The following SMC1B variants were observed in gnomAD, a reference collection of about 807,000 sequenced individuals.
The protein encoded by SMC1B is structural maintenance of chromosomes protein 1B.
SMC1B carries 60 observed loss-of-function variants against 157.9 expected under a neutral mutation model. The ratio of observed to expected loss-of-function variants is 0.38; its 90% CI spans 0.31 to 0.47. The LOEUF (loss-of-function observed/expected upper bound fraction) is 0.47, where lower values mean the gene tolerates loss of function less well. Ranked by LOEUF, SMC1B falls within the 20% of genes least tolerant of loss-of-function variation. SMC1B has a pLI of 0.99. For synonymous variants in SMC1B, 445 were observed against 483.0 expected, an observed-to-expected ratio of 0.92 and a Z score of 1.03; for missense variants, 1,165 against 1,426.2, an observed-to-expected ratio of 0.82 and a Z score of 2.95.
chr22:45,392,672 T>G (rs1198634439), intron 9 of SMC1B, among the ~76,000 whole-genome samples: 1 of 151,972 alleles, frequency 6.6e-6, no homozygotes, highest in Non-Finnish European at 1.5e-5. Context: ...AGGAAAACCA[T>G]GAAAGTGTGG....
chr22:45,350,340 C>A (rs2086600376), intron 22 of SMC1B, among the ~76,000 whole-genome samples: 1 of 151,586 alleles, frequency 6.6e-6, no homozygotes. Flanking sequence ...TGCAGTGGCA[C>A]AATCCCGGCT....
intron 4 of SMC1B, among the ~76,000 whole-genome samples, chr22:45,405,129 G>C (rs1263702701): frequency 6.6e-6 from 1 of 152,116 alleles, no homozygotes; most frequent in African/African-American, 2.4e-5. Context: ...AGCTATCTAG[G>C]CAGAGGAAAT....
chr22:45,359,957 C>T lies in SMC1B; in HGVS notation c.2710G>A (p.Glu904Lys). The T allele has an allele frequency of 6.2e-7, 1 of 1,612,672 alleles. No individual in the cohort carries two copies. Among genetic ancestry groups the T allele is most frequent in the Non-Finnish European group, 8.5e-7 (1 of 1,178,924 alleles). ...ACTTCTTTTTGCAATTTCCCCACTT[C>T]CCTGTAATTACACAGATATGAAAAA... ...ERKKFLAVDR[E>K]VGKLQKEVVS... The change falls in exon 18 of 25, where the codon GAA (glutamate) becomes AAA (lysine). Residue 904 changes from glutamate (E) to lysine (K), a missense_variant and splice_region_variant. Glu to Lys is a moderately conservative substitution (Grantham distance 56, BLOSUM62 1). Transcript: ENST00000357450.
At chr22:45,376,596 C>A (rs201498444) in intron 12 of SMC1B, among the ~76,000 whole-genome samples, 1 of 152,118 alleles carries the variant, frequency 6.6e-6, no homozygotes, top group Non-Finnish European at 1.5e-5. Flanking sequence ...ATTGCTGGAT[C>A]ATATGGTAAT....
intron 7 of SMC1B, 126 bp downstream of exon 7, chr22:45,396,220 C>A (rs1015385160): frequency 1.3e-6 from 1 of 784,454 alleles, no homozygotes; most frequent in Non-Finnish European, 1.9e-6. Flanking sequence ...TCTGCCAAAT[C>A]ATGAAATAAA....
At chr22:45,378,979 TTTTTTTC>T (rs1279447194) in intron 12 of SMC1B, among the ~76,000 whole-genome samples, 3 of 152,118 alleles carry the variant, frequency 2.0e-5, no homozygotes, top group East Asian at 3.8e-4. Context: ...AACATTCAGG[TTTTTTTC>T]TTTTTTCTTT....
chr22:45,400,808 TATA>T (rs1379974738), intron 5 of SMC1B, among the ~76,000 whole-genome samples: 1 of 152,200 alleles, frequency 6.6e-6, no homozygotes, highest in Non-Finnish European at 1.5e-5. Flanking sequence ...ATGTAACATA[TATA>T]ATACACTGAC....
In SMC1B at chr22:45,362,934, A is replaced by G. The variant is rs2086736057; in HGVS notation, c.2513T>C (p.Leu838Ser). ...LKKKLNKINT[L>S]KETIQKGSED... is the part of the protein sequence containing the mutation. ...ACTACCTTTCTGGATAGTTTCTTTT[A>G]ATGTGTTGATCTTATTCAGTTTCTT... is the stretch of plus-strand genomic sequence containing the variant. The change falls in exon 16 of 25, where the codon TTA becomes TCA. Residue 838 changes from leucine to serine, a missense_variant. Leu to Ser is a moderately radical substitution (Grantham distance 145). Coordinates refer to ENST00000357450, the MANE Select transcript of SMC1B (RefSeq NM_148674.5). 2.5e-6 allele frequency: 4 copies of G among 1,604,042 alleles called. No homozygotes were observed. The highest frequency in any genetic ancestry group is 3.4e-6 in the Non-Finnish European group (4 of 1,174,924).
intron 19 of SMC1B, among the ~76,000 whole-genome samples, chr22:45,357,718 A>G (rs2086683284): frequency 6.6e-6 from 1 of 152,234 alleles, no homozygotes; most frequent in Admixed American, 6.5e-5. Context: ...AGTAACCAAT[A>G]TATTTACTAG....
At chr22:45,371,750 T>C (rs1208318293) in intron 13 of SMC1B, among the ~76,000 whole-genome samples, 163 bp from the exon 14 acceptor site, 2 of 152,168 alleles carry the variant, frequency 1.3e-5, no homozygotes, top group African/African-American at 2.4e-5. Context: ...TAAGGGACTA[T>C]AATATAATCT....
At chr22:45,347,123 G>A (rs774265974) in intron 23 of SMC1B, among the ~76,000 whole-genome samples, 1 of 152,180 alleles carries the variant, frequency 6.6e-6, no homozygotes, top group Non-Finnish European at 1.5e-5. Flanking sequence ...TCTCCCAGAT[G>A]AGTCTGCCAT....
chr22:45,404,618 T>C (rs1000526782), intron 4 of SMC1B, among the ~76,000 whole-genome samples: 1 of 152,262 alleles, frequency 6.6e-6, no homozygotes, highest in Non-Finnish European at 1.5e-5. Context: ...TTCCTTTCTA[T>C]TGATTCCAGG....
At chr22:45,403,803 G>T (rs2087225170) in intron 4 of SMC1B, among the ~76,000 whole-genome samples, 1 of 152,156 alleles carries the variant, frequency 6.6e-6, no homozygotes, top group Admixed American at 6.5e-5. Context: ...TTCTAATGGG[G>T]AGAAGAGAGG....
rs2086542390 is a variant in SMC1B at position 45,345,548 on chromosome 22, G to T, written c.3517C>A (p.Gln1173Lys). The T allele has an allele frequency of 6.2e-7, 1 of 1,611,388 alleles. No individual in the cohort carries two copies. The highest frequency in any genetic ancestry group is 1.3e-5 in the African/African-American group (1 of 74,838). ...IGKVSSYIKE[Q>K]TQDQFQMIVI... The stretch of plus-strand genomic sequence containing the variant: ...ATCATCTGAAACTGGTCTTGAGTTT[G>T]CTCTTTGATGTAACTTGACACCTGG... Residue 1173 changes from glutamine (Q) to lysine (K), a missense_variant, in exon 24 of 25, where the codon CAA becomes AAA. Coordinates refer to ENST00000357450, the MANE Select transcript of SMC1B (RefSeq NM_148674.5).
chr22:45,398,264 C>T (rs1333145818), intron 6 of SMC1B, among the ~76,000 whole-genome samples: 2 of 152,236 alleles, frequency 1.3e-5, no homozygotes, highest in Admixed American at 1.3e-4. Context: ...TGGCTTGCAA[C>T]ACACCTGGTC....
At chr22:45,371,690 G>A in intron 13 of SMC1B, 103 bp from the exon 14 acceptor site, 1 of 1,334,416 alleles carries the variant, frequency 7.5e-7, no homozygotes. Flanking sequence ...AAGAATCTAT[G>A]AGATAAGATG....
At chr22:45,411,589 CTTAT>C (rs773147146) in intron 1 of SMC1B, among the ~76,000 whole-genome samples, 4 of 152,138 alleles carry the variant, frequency 2.6e-5, no homozygotes, top group African/African-American at 7.2e-5. Flanking sequence ...TTTATTTTTA[CTTAT>C]TTATTTTTGA....
rs764961319 is a variant in SMC1B, at chr22:45,413,571, G to A, written c.-4C>T. ...GCAGCAGCTCCAGGTGGGCCATGGC[G>A]CCGCCCTCCACGCCTCACCCGCGTT... is the stretch of plus-strand genomic sequence containing the variant. On this transcript the variant is annotated 5_prime_UTR_variant, in exon 1 of 25. Transcript: ENST00000357450. 19 of 1,598,016 alleles carry A rather than the reference G, an allele frequency of 1.2e-5. No homozygotes were observed. Among genetic ancestry groups the A allele is most frequent in the Non-Finnish European group, 1.5e-5 (18 of 1,172,350 alleles).
chr22:45,402,637 C>A, intron 4 of SMC1B, 66 bp from the exon 5 acceptor site: 1 of 1,023,358 alleles, frequency 9.8e-7, no homozygotes, highest in South Asian at 1.4e-5. Context: ...TTCATAAACT[C>A]AACTACTATA....
Sources: allele counts gnomAD v4.1 joint callset (sites outside exome capture counted in the v4.1 genomes callset), GRCh38; gene constraint gnomAD v4.1.1; transcripts MANE v1.5; gene names NCBI Gene and HGNC (gene_info 2026-07-23, HGNC 2026-07-21).